Variants in AMPH observed in about 807,000 individuals in gnomAD.
AMPH encodes amphiphysin (Stiff-Mann syndrome with breast cancer 128kD autoantigen).
In AMPH, 49 loss-of-function variants were observed where a neutral mutation model predicts 99.1. The observed-to-expected ratio is 0.49, with a 90% CI of 0.39 to 0.63. The LOEUF (loss-of-function observed/expected upper bound fraction) is 0.63. AMPH is among the 20% of genes least tolerant of loss of function. The pLI is 0.00. For missense variants in AMPH, 759 were observed against 863.4 expected, an observed-to-expected ratio of 0.88 and a Z score of 1.52; for synonymous variants, 314 against 317.3, an observed-to-expected ratio of 0.99 and a Z score of 0.11.
rs1338352449 is a variant in AMPH at position 38,429,261 on chromosome 7, G to A, written c.1182+581C>T. On this transcript the variant is annotated intron_variant, in intron 14 of 20. Transcript: ENST00000356264. ...AACTCCAGCCTCCGGCGCAGGCTTT[G>A]GGGGCAGTTGTTCATTTCCACCTGG... is the stretch of plus-strand genomic sequence containing the variant. 3 of 1,286,172 alleles carry A rather than the reference G, an allele frequency of 2.3e-6. No homozygotes were observed. In the African/African-American group the frequency reaches 4.6e-5, roughly 20 times the overall value. The allele number at this position is 1,286,172 out of a possible 1,614,324, so 79.7% of individuals were successfully genotyped here.
At chr7:38,496,457 C>T (rs2129023025) in intron 3 of AMPH, among the ~76,000 whole-genome samples, 1 of 152,100 alleles carries the variant, frequency 6.6e-6, no homozygotes, top group East Asian at 1.9e-4. Flanking sequence ...GACTTGACCA[C>T]CATCGGACGA....
At chr7:38,491,554 T>C (rs1788718746) in intron 4 of AMPH, among the ~76,000 whole-genome samples, 2 of 152,096 alleles carry the variant, frequency 1.3e-5, no homozygotes. Context: ...TTCTGAAGCC[T>C]CCCCAGGGAA....
chr7:38,444,488 C>T (rs1056402399), intron 11 of AMPH, among the ~76,000 whole-genome samples: 2 of 152,054 alleles, frequency 1.3e-5, no homozygotes, highest in African/African-American at 4.8e-5. Flanking sequence ...GACACAGAGC[C>T]CACAGACACA....
rs76060392 is a variant in AMPH at position 38,421,811 on chromosome 7, A to G, written c.1272+610T>C. Among the ~76,000 whole-genome samples, 94 of 152,210 alleles carry G rather than the reference A, an allele frequency of 6.2e-4. No homozygotes were observed. The East Asian group carries it at 0.016, about 26-fold the overall frequency. ...GATATCTCTTAAGGTCTCTTCATTC[A>G]TCTTTACTAGTAAGCTTTAAGCTGT... On this transcript the variant is annotated intron_variant, in intron 16 of 20. Transcript: ENST00000356264.
intron 1 of AMPH, among the ~76,000 whole-genome samples, chr7:38,545,678 A>T (rs1195243803): frequency 6.6e-6 from 1 of 152,252 alleles, no homozygotes; most frequent in Admixed American, 6.5e-5. Flanking sequence ...TTGAAAAAAC[A>T]TTCTGCATAA....
chr7:38,506,277 T>C (rs867709246), intron 2 of AMPH, among the ~76,000 whole-genome samples: 1 of 152,292 alleles, frequency 6.6e-6, no homozygotes, highest in Middle Eastern at 3.4e-3. Context: ...GGAGAGAGGC[T>C]GAAATCTAAC....
At chr7:38,528,128 A>G (rs1246659307) in intron 2 of AMPH, among the ~76,000 whole-genome samples, 1 of 152,172 alleles carries the variant, frequency 6.6e-6, no homozygotes, top group Non-Finnish European at 1.5e-5. Context: ...CTTTTTACAC[A>G]TTGTTAGATT....
chr7:38,517,354 G>A (rs925676873), intron 2 of AMPH, among the ~76,000 whole-genome samples: 7 of 152,160 alleles, frequency 4.6e-5, no homozygotes, highest in African/African-American at 1.7e-4. Context: ...TAGTGAGTGA[G>A]TTCTCATGAG....
chr7:38,412,846 A>G (rs1785253252), intron 17 of AMPH, among the ~76,000 whole-genome samples: 1 of 152,176 alleles, frequency 6.6e-6, no homozygotes, highest in African/African-American at 2.4e-5. Flanking sequence ...AAAATTCCCT[A>G]TTCATTCACT....
chr7:38,445,484 A>G (rs184607945), intron 11 of AMPH, among the ~76,000 whole-genome samples: 10 of 152,328 alleles, frequency 6.6e-5, no homozygotes, highest in African/African-American at 2.4e-4. Context: ...AAAGAAAGCC[A>G]CATGCTGGGA....
At chr7:38,504,765 A>G (rs1314504436) in intron 2 of AMPH, among the ~76,000 whole-genome samples, 1 of 152,242 alleles carries the variant, frequency 6.6e-6, no homozygotes, top group East Asian at 1.9e-4. Flanking sequence ...AGAGTTGCCA[A>G]TGCTGGCACG....
At chr7:38,472,184 T>C (rs1459370461) in intron 7 of AMPH, among the ~76,000 whole-genome samples, 1 of 152,148 alleles carries the variant, frequency 6.6e-6, no homozygotes, top group Admixed American at 6.5e-5. Flanking sequence ...AACTAACATG[T>C]AATATGTTTA....
chr7:38,507,098 C>T (rs1479666461), intron 2 of AMPH, among the ~76,000 whole-genome samples: 1 of 152,146 alleles, frequency 6.6e-6, no homozygotes, highest in Non-Finnish European at 1.5e-5. Context: ...AAATTAACCC[C>T]ACAATTAACT....
intron 2 of AMPH, among the ~76,000 whole-genome samples, chr7:38,507,666 G>T (rs1321679950): frequency 6.6e-6 from 1 of 152,188 alleles, no homozygotes; most frequent in African/African-American, 2.4e-5. Context: ...TAGTAATTCA[G>T]CCGTGAATTA....
intron 3 of AMPH, among the ~76,000 whole-genome samples, chr7:38,502,368 C>A (rs1242533030): frequency 1.3e-5 from 2 of 152,060 alleles, no homozygotes; most frequent in Non-Finnish European, 2.9e-5. Flanking sequence ...TTAGGCATCC[C>A]CTGAGAATCA....
At chr7:38,445,010 T>TATATATATATATATATATAGACACAC (rs1458295332) in intron 11 of AMPH, among the ~76,000 whole-genome samples, 1 of 125,984 alleles carries the variant, frequency 7.9e-6, no homozygotes, top group South Asian at 2.8e-4. Context: ...TATATATATA[T>TATATATATATATATATATAGACACAC]ACACACACAC....
chr7:38,561,968 T>G (rs77763565), intron 1 of AMPH, among the ~76,000 whole-genome samples: 8 of 129,114 alleles, frequency 6.2e-5, no homozygotes, highest in African/African-American at 3.1e-4. Flanking sequence ...AGTCTATATG[T>G]TTTTTTTTTT....
At chr7:38,587,965 A>T (rs1302715789) in intron 1 of AMPH, among the ~76,000 whole-genome samples, 2 of 146,728 alleles carry the variant, frequency 1.4e-5, no homozygotes, top group African/African-American at 5.3e-5. Flanking sequence ...TGTGTGTGTG[A>T]GAGAGAGATA....
At chr7:38,431,525 G>A (rs544491804) in intron 13 of AMPH, among the ~76,000 whole-genome samples, 3 of 152,092 alleles carry the variant, frequency 2.0e-5, no homozygotes, top group South Asian at 4.2e-4. Flanking sequence ...GCGCGGTGGC[G>A]GGTGCCTGTA....
Sources: gnomAD v4.1 joint callset for allele counts (sites outside exome capture counted in the v4.1 genomes callset) on GRCh38, gnomAD v4.1.1 for gene constraint, MANE v1.5 for transcripts, NCBI Gene and HGNC (gene_info 2026-07-23, HGNC 2026-07-21) for gene names.